FRY: variants seen among roughly 807,000 people sequenced by gnomAD.
FRY encodes the protein FRY microtubule binding protein.
In FRY, 128 loss-of-function variants were observed where a neutral mutation model predicts 348.4. The ratio of observed to expected loss-of-function variants is 0.37; its 90% CI spans 0.32 to 0.43. The LOEUF is 0.43. FRY is among the 20% of genes least tolerant of loss of function. FRY has a pLI of 1.00. For missense variants in FRY, 2,736 were observed against 3,695.2 expected, an observed-to-expected ratio of 0.74 and a Z score of 6.73; for synonymous variants, 1,370 against 1,374.7, an observed-to-expected ratio of 1.00 and a Z score of 0.08.
intron 28 of FRY, among the ~76,000 whole-genome samples, chr13:32,193,005 A>G (rs1207166367): frequency 1.3e-5 from 2 of 151,738 alleles, no homozygotes; most frequent in Non-Finnish European, 2.9e-5. Context: ...GGCCTCTCAA[A>G]GTGCTGGGAT....
At chr13:32,097,810 A>G (rs1876847513) in intron 2 of FRY, among the ~76,000 whole-genome samples, 1 of 152,010 alleles carries the variant, frequency 6.6e-6, no homozygotes, top group African/African-American at 2.4e-5. Context: ...ACATTTCTGG[A>G]ACTAAAAGGA....
At chr13:32,137,617 G>C (rs1038161485) in intron 11 of FRY, among the ~76,000 whole-genome samples, 7 of 152,228 alleles carry the variant, frequency 4.6e-5, no homozygotes, top group Non-Finnish European at 1.0e-4. Context: ...CTTAAAAGTG[G>C]TGAACATGTT....
At chr13:32,291,005 C>T (rs979988369) in intron 59 of FRY, among the ~76,000 whole-genome samples, 9 of 152,070 alleles carry the variant, frequency 5.9e-5, no homozygotes, top group Non-Finnish European at 1.3e-4. Context: ...CAAGACCTGG[C>T]TTAAACGGCG....
chr13:32,273,738 A>G (rs115604987), intron 55 of FRY, among the ~76,000 whole-genome samples: 6,984 of 152,214 alleles, frequency 0.046, 527 homozygotes, highest in African/African-American at 0.16. Context: ...GGAAGCAGAA[A>G]AGAGTTACGC....
chr13:32,268,248 T>C (rs568493124), intron 55 of FRY, among the ~76,000 whole-genome samples: 2 of 152,230 alleles, frequency 1.3e-5, no homozygotes, highest in African/African-American at 4.8e-5. Context: ...ATCAAATAAT[T>C]GGCAGGGGGA....
At chr13:32,183,063 C>T in intron 24 of FRY, 29 bp downstream of exon 24, 1 of 1,465,830 alleles carries the variant, frequency 6.8e-7, no homozygotes, top group Non-Finnish European at 9.5e-7. Context: ...AAAATTAAGG[C>T]TTGGTTTTTT....
intron 1 of FRY, among the ~76,000 whole-genome samples, chr13:32,076,083 T>C (rs1875033597): frequency 6.6e-6 from 1 of 152,234 alleles, no homozygotes; most frequent in Non-Finnish European, 1.5e-5. Flanking sequence ...CTGAGAGGTT[T>C]TCTGGTATCT....
chr13:32,277,108 G>T (rs909288433), intron 57 of FRY, among the ~76,000 whole-genome samples: 2 of 152,190 alleles, frequency 1.3e-5, no homozygotes, highest in Non-Finnish European at 2.9e-5. Flanking sequence ...TGCACAGGTG[G>T]AGGCCCAGAG....
intron 11 of FRY, among the ~76,000 whole-genome samples, chr13:32,143,668 A>C (rs1035287038): frequency 6.6e-6 from 1 of 152,246 alleles, no homozygotes; most frequent in African/African-American, 2.4e-5. Flanking sequence ...TATGCTATGC[A>C]AATATAAACT....
chr13:32,064,772 A>T (rs1368382466), intron 1 of FRY, among the ~76,000 whole-genome samples: 1 of 152,188 alleles, frequency 6.6e-6, no homozygotes, highest in Admixed American at 6.5e-5. Flanking sequence ...ATCTATCTTC[A>T]TATTCTCCAC....
intron 11 of FRY, among the ~76,000 whole-genome samples, chr13:32,139,657 T>G (rs1027501906): frequency 1.3e-5 from 2 of 152,238 alleles, no homozygotes; most frequent in East Asian, 3.8e-4. Context: ...TTAATTAACT[T>G]AAGCATCTAT....
intron 59 of FRY, among the ~76,000 whole-genome samples, chr13:32,291,160 C>T (rs1204241134): frequency 6.6e-6 from 1 of 151,980 alleles, no homozygotes; most frequent in Non-Finnish European, 1.5e-5. Flanking sequence ...ACCTCACCGT[C>T]TAAGAGCAGA....
chr13:32,270,227 G>A (rs1343539466), intron 55 of FRY, among the ~76,000 whole-genome samples: 2 of 145,012 alleles, frequency 1.4e-5, no homozygotes, highest in African/African-American at 5.1e-5. Context: ...TTTTTTTTGA[G>A]ATGGAGTTTC....
chr13:32,244,156 C>A lies in FRY; in HGVS notation c.6802C>A (p.Leu2268Met), dbSNP rs1161634094. 1.2e-6 allele frequency: 2 copies of A among 1,613,912 alleles called. No individual in the cohort carries two copies. Among genetic ancestry groups the A allele is most frequent in the Middle Eastern group, 1.7e-4 (1 of 6,060 alleles). The change falls in exon 47 of 61, where the codon CTG (leucine) becomes ATG (methionine). Residue 2268 changes from leucine to methionine, a missense_variant. Around this residue, in one of 9 missense-constraint regions of FRY, gnomAD observed 789 missense variants for 996.2 expected, o/e 0.79. Coordinates refer to ENST00000542859, the MANE Select transcript of FRY (RefSeq NM_023037.3). ...VPVKQFNVEV[L>M]KTIEKYVQSV... ...TGTCAAACAGTTCAATGTGGAAGTTCTGAAGACAATTGAAAAATATGTGCA... is the reference window on the plus strand; with the variant it reads ...TGTCAAACAGTTCAATGTGGAAGTTATGAAGACAATTGAAAAATATGTGCA...
At chr13:32,044,549 T>G (rs1329192741) in intron 1 of FRY, among the ~76,000 whole-genome samples, 2 of 152,212 alleles carry the variant, frequency 1.3e-5, no homozygotes, top group African/African-American at 2.4e-5. Flanking sequence ...TAAGTGATGG[T>G]GCCCAGATTC....
intron 2 of FRY, among the ~76,000 whole-genome samples, chr13:32,090,632 A>T (rs936228909): frequency 6.6e-6 from 1 of 152,182 alleles, no homozygotes. Context: ...TAAAATTGAA[A>T]AGACCAACAA....
chr13:32,277,750 A>T (rs1888604479), intron 57 of FRY, among the ~76,000 whole-genome samples: 1 of 152,250 alleles, frequency 6.6e-6, no homozygotes, highest in Non-Finnish European at 1.5e-5. Flanking sequence ...CACCGTAACA[A>T]TTAGCTTTGT....
intron 29 of FRY, among the ~76,000 whole-genome samples, chr13:32,195,327 T>TTCC (rs1230667068): frequency 6.6e-6 from 1 of 152,192 alleles, no homozygotes; most frequent in African/African-American, 2.4e-5. Flanking sequence ...TTTCCTGTTA[T>TTCC]AAGCATTACT....
At chr13:32,131,398 C>T (rs1184219765) in intron 7 of FRY, among the ~76,000 whole-genome samples, 1 of 152,170 alleles carries the variant, frequency 6.6e-6, no homozygotes, top group East Asian at 1.9e-4. Flanking sequence ...AATTTAAGAG[C>T]TAGACCATTT....
Sources: gnomAD v4.1 joint callset for allele counts (sites outside exome capture counted in the v4.1 genomes callset) on GRCh38, gnomAD v4.1.1 for gene constraint, gnomAD v4.1.1 regional missense constraint, MANE v1.5 for transcripts, NCBI Gene and HGNC (gene_info 2026-07-23, HGNC 2026-07-21) for gene names.